FAM193A: variants seen among roughly 807,000 people sequenced by gnomAD.
FAM193A encodes the protein protein FAM193A.
Under a neutral mutation model 126.5 loss-of-function variants are expected in FAM193A, and 22 were observed. That is an observed-to-expected ratio of 0.17 (90% CI 0.12 to 0.25). The LOEUF (loss-of-function observed/expected upper bound fraction) is 0.25, where lower values mean the gene tolerates loss of function less well. Ranked by LOEUF, FAM193A falls within the 10% of genes least tolerant of loss-of-function variation. FAM193A has a pLI of 1.00. For synonymous variants in FAM193A, 761 were observed against 646.8 expected, an observed-to-expected ratio of 1.18 and a Z score of -2.68; for missense variants, 1,675 against 1,672.8, an observed-to-expected ratio of 1.00 and a Z score of -0.02.
intron 18 of FAM193A, 72 bp downstream of exon 18, chr4:2,696,665 T>C (rs1717074906): frequency 8.2e-7 from 1 of 1,218,814 alleles, no homozygotes; most frequent in Non-Finnish European, 1.2e-6. Flanking sequence ...CACGCCAGTC[T>C]CTAGGCAGGG....
chr4:2,567,248 T>C (rs1271232365), intron 1 of FAM193A, among the ~76,000 whole-genome samples: 1 of 143,302 alleles, frequency 7.0e-6, no homozygotes, highest in Non-Finnish European at 1.5e-5. Flanking sequence ...ACGCCCGGCC[T>C]GAGCCACCAC....
intron 13 of FAM193A, among the ~76,000 whole-genome samples, chr4:2,677,536 C>T (rs1440965591): frequency 6.6e-6 from 1 of 151,714 alleles, no homozygotes; most frequent in Admixed American, 6.6e-5. Flanking sequence ...GTCAGGAGAT[C>T]GAGACCATCC....
chr4:2,658,826 C>G (rs1712036491), intron 8 of FAM193A, among the ~76,000 whole-genome samples: 1 of 152,212 alleles, frequency 6.6e-6, no homozygotes, highest in Non-Finnish European at 1.5e-5. Flanking sequence ...ACTCGGCTCA[C>G]TGCAACCTCT....
At chr4:2,726,319 G>A (rs1023748826) in intron 20 of FAM193A, among the ~76,000 whole-genome samples, 6 of 152,198 alleles carry the variant, frequency 3.9e-5, no homozygotes, top group African/African-American at 1.2e-4. Context: ...GATTAGAGGC[G>A]TGAGCCACCA....
At chr4:2,652,539 A>C (rs565141064) in intron 7 of FAM193A, among the ~76,000 whole-genome samples, 5 of 152,184 alleles carry the variant, frequency 3.3e-5, no homozygotes, top group Non-Finnish European at 5.9e-5. Flanking sequence ...AAGCCAGCAC[A>C]TCTTACGTGG....
At chr4:2,552,046 C>G (rs1047542120) in intron 1 of FAM193A, among the ~76,000 whole-genome samples, 4 of 136,778 alleles carry the variant, frequency 2.9e-5, no homozygotes, top group Admixed American at 1.6e-4. Context: ...GAGTCTTGCT[C>G]TGTCGCCCAG....
intron 20 of FAM193A, among the ~76,000 whole-genome samples, chr4:2,729,820 C>T (rs930775260): frequency 6.6e-6 from 1 of 152,170 alleles, no homozygotes; most frequent in Non-Finnish European, 1.5e-5. Flanking sequence ...CCATGTTGCC[C>T]AGGCTGGCCT....
intron 1 of FAM193A, among the ~76,000 whole-genome samples, chr4:2,581,471 T>C (rs1476686640): frequency 6.6e-6 from 1 of 151,932 alleles, no homozygotes; most frequent in Non-Finnish European, 1.5e-5. Flanking sequence ...CCCAGGCTGA[T>C]CTCGACTCCT....
intron 15 of FAM193A, 116 bp from the exon 16 acceptor site, chr4:2,693,470 A>C (rs1202283838): frequency 2.1e-6 from 2 of 963,418 alleles, no homozygotes; most frequent in Non-Finnish European, 3.2e-6. Flanking sequence ...TTAGGTCGTG[A>C]AGATGAAGCA....
chr4:2,687,514 G>A (rs1335235229), intron 13 of FAM193A, among the ~76,000 whole-genome samples: 2 of 152,152 alleles, frequency 1.3e-5, no homozygotes, highest in African/African-American at 4.8e-5. Context: ...GCCAAGACGT[G>A]GGACTAGAGT....
At chr4:2,642,707 C>T (rs1046533746) in intron 6 of FAM193A, among the ~76,000 whole-genome samples, 13 of 151,104 alleles carry the variant, frequency 8.6e-5, no homozygotes, top group African/African-American at 2.7e-4. Flanking sequence ...TGACTGAAAC[C>T]GGAAGTGCAT....
chr4:2,559,875 C>T (rs866488673), intron 1 of FAM193A, among the ~76,000 whole-genome samples: 2 of 152,180 alleles, frequency 1.3e-5, no homozygotes, highest in Non-Finnish European at 1.5e-5. Context: ...TCCTGACCTG[C>T]TTGTGTAGTG....
intron 2 of FAM193A, among the ~76,000 whole-genome samples, chr4:2,620,599 C>G (rs2108964286): frequency 6.6e-6 from 1 of 152,182 alleles, no homozygotes; most frequent in South Asian, 2.1e-4. Flanking sequence ...TGTAATCCAG[C>G]ACTCTGGGAG....
intron 19 of FAM193A, among the ~76,000 whole-genome samples, chr4:2,704,684 GT>G (rs1236399515): frequency 6.6e-6 from 1 of 152,218 alleles, no homozygotes; most frequent in Non-Finnish European, 1.5e-5. Flanking sequence ...CTGAGTGCCT[GT>G]TTGGCCACAG....
intron 1 of FAM193A, among the ~76,000 whole-genome samples, chr4:2,566,560 C>A (rs186255939): frequency 6.6e-6 from 1 of 151,894 alleles, no homozygotes; most frequent in African/African-American, 2.4e-5. Context: ...TGGTGGTGTG[C>A]GCCTGTAGTC....
At chr4:2,676,489 C>G (rs910507549) in intron 13 of FAM193A, among the ~76,000 whole-genome samples, 7 of 152,134 alleles carry the variant, frequency 4.6e-5, no homozygotes, top group African/African-American at 1.7e-4. Flanking sequence ...CTATTCAAGT[C>G]CTTTGCTCGT....
chr4:2,576,923 T>C (rs2108869950), intron 1 of FAM193A, among the ~76,000 whole-genome samples: 1 of 152,344 alleles, frequency 6.6e-6, no homozygotes, highest in Non-Finnish European at 1.5e-5. Flanking sequence ...AATAGAGATG[T>C]ACCTATTCTC....
intron 20 of FAM193A, among the ~76,000 whole-genome samples, chr4:2,718,179 A>G (rs559212120): frequency 1.8e-4 from 27 of 152,260 alleles, no homozygotes; most frequent in African/African-American, 6.0e-4. Context: ...GAAGGAGATA[A>G]GAGAGATAAT....
intron 2 of FAM193A, among the ~76,000 whole-genome samples, chr4:2,613,763 T>C (rs1742023235): frequency 1.1e-5 from 1 of 92,234 alleles, no homozygotes; most frequent in South Asian, 3.0e-4. Flanking sequence ...CTTTTTTTTT[T>C]TTTTCTTTTT....
Sources: allele counts gnomAD v4.1 joint callset (sites outside exome capture counted in the v4.1 genomes callset), GRCh38; gene constraint gnomAD v4.1.1; transcripts MANE v1.5; gene names NCBI Gene and HGNC (gene_info 2026-07-23, HGNC 2026-07-21).